The following EPHA6 variants were observed in gnomAD, a reference collection of about 807,000 sequenced individuals.
EPHA6 encodes the protein ephrin type-A receptor 6.
In EPHA6, 50 loss-of-function variants were observed where a neutral mutation model predicts 112.0. The observed-to-expected ratio is 0.45, with a 90% CI of 0.36 to 0.56. EPHA6 has a LOEUF of 0.56. Ranked by LOEUF, EPHA6 falls within the 20% of genes least tolerant of loss-of-function variation. The probability of loss-of-function intolerance (pLI) is 0.00; values close to 1 mark genes in which losing one functional copy is unlikely to be tolerated. For missense variants in EPHA6, 1,280 were observed against 1,417.4 expected (o/e 0.90, Z 1.56); for synonymous variants, 529 against 490.7 (o/e 1.08, Z -1.03).
chr3:96,919,600 G>T (rs2039658493), intron 2 of EPHA6, among the ~76,000 whole-genome samples: 1 of 151,652 alleles, frequency 6.6e-6, no homozygotes, highest in South Asian at 2.1e-4. Context: ...ATTGAGGCAG[G>T]GGTTATAATT....
chr3:97,012,805 A>C (rs1351938193), intron 3 of EPHA6, among the ~76,000 whole-genome samples: 1 of 151,622 alleles, frequency 6.6e-6, no homozygotes, highest in African/African-American at 2.4e-5. Flanking sequence ...ACTGATTTCA[A>C]ATGGTATCTC....
intron 10 of EPHA6, among the ~76,000 whole-genome samples, chr3:97,516,156 G>A (rs1010970191): frequency 3.3e-5 from 5 of 152,150 alleles, no homozygotes; most frequent in Non-Finnish European, 5.9e-5. Flanking sequence ...TATCTCTCAA[G>A]AAGTAGATAG....
At chr3:97,551,653 G>A (rs2093030492) in intron 11 of EPHA6, among the ~76,000 whole-genome samples, 1 of 152,016 alleles carries the variant, frequency 6.6e-6, no homozygotes, top group Admixed American at 6.6e-5. Context: ...TAAATACAAC[G>A]AGCTATAGCA....
chr3:97,018,173 A>G (rs535317837), intron 3 of EPHA6, among the ~76,000 whole-genome samples: 29 of 151,816 alleles, frequency 1.9e-4, no homozygotes, highest in African/African-American at 6.5e-4. Context: ...AATTTACCTG[A>G]TAGAATTCTG....
chr3:97,369,082 A>G (rs72926377), intron 5 of EPHA6, among the ~76,000 whole-genome samples: 4,538 of 152,308 alleles, frequency 0.03, 216 homozygotes, highest in African/African-American at 0.099. Flanking sequence ...TGAGCTGGGA[A>G]AAGAGTTTTC....
rs2038324343 is a variant in EPHA6, at chr3:96,897,207, TACAA to T, written c.450+30322_450+30325del. Among the ~76,000 whole-genome samples the T allele has an allele frequency of 2.3e-5, 3 of 132,700 alleles. No individual in the cohort carries two copies. The Admixed American group carries it at 2.4e-4, about 11-fold the overall frequency. 87.1% of individuals were successfully genotyped at this position (132,700 alleles called of 152,430 possible). A position where few individuals can be genotyped will look rare whatever the true frequency, so the allele number is the denominator to read the frequency against. On this transcript the variant is annotated intron_variant, in intron 2 of 17. Coordinates refer to ENST00000389672, the MANE Select transcript of EPHA6 (RefSeq NM_001080448.3). ...ATATATATCTATATATCTGTGTATA[TACAA>T]ACACACACACACACACACACACACA...
At chr3:97,162,649 G>A (rs1286935114) in intron 3 of EPHA6, among the ~76,000 whole-genome samples, 1 of 152,060 alleles carries the variant, frequency 6.6e-6, no homozygotes, top group Admixed American at 6.6e-5. Context: ...TTCAGGAAGG[G>A]TGAGAGAAAG....
At chr3:97,487,173 T>C (rs2091718188) in intron 10 of EPHA6, among the ~76,000 whole-genome samples, 1 of 152,198 alleles carries the variant, frequency 6.6e-6, no homozygotes, top group Admixed American at 6.5e-5. Context: ...AAGGAGTACT[T>C]AGATTCACAG....
intron 3 of EPHA6, among the ~76,000 whole-genome samples, chr3:97,134,121 A>T (rs2108334759): frequency 6.8e-6 from 1 of 146,882 alleles, no homozygotes; most frequent in East Asian, 1.9e-4. Context: ...AAATGAAGAG[A>T]TTTGATGTAA....
At chr3:97,232,457 A>T (rs1355584914) in intron 4 of EPHA6, among the ~76,000 whole-genome samples, 2 of 152,130 alleles carry the variant, frequency 1.3e-5, no homozygotes, top group African/African-American at 4.8e-5. Flanking sequence ...TGCAAACTAA[A>T]AACAATAATG....
intron 4 of EPHA6, among the ~76,000 whole-genome samples, chr3:97,241,886 A>G (rs1442300904): frequency 1.3e-5 from 2 of 150,932 alleles, no homozygotes; most frequent in Admixed American, 1.3e-4. Context: ...CCTGCTTTCC[A>G]TTATAAATAA....
At chr3:97,092,081 A>C (rs2047084120) in intron 3 of EPHA6, among the ~76,000 whole-genome samples, 1 of 150,714 alleles carries the variant, frequency 6.6e-6, no homozygotes, top group African/African-American at 2.4e-5. Flanking sequence ...ATTTTGGTTA[A>C]CAAGGTTTTT....
At chr3:97,628,092 G>T (rs1021086088) in intron 13 of EPHA6, among the ~76,000 whole-genome samples, 2 of 151,992 alleles carry the variant, frequency 1.3e-5, no homozygotes, top group Non-Finnish European at 2.9e-5. Context: ...CACTCTGTTT[G>T]CTGTATTAAG....
At chr3:97,411,437 G>A (rs1394686642) in intron 6 of EPHA6, among the ~76,000 whole-genome samples, 2 of 151,954 alleles carry the variant, frequency 1.3e-5, no homozygotes, top group Admixed American at 6.6e-5. Flanking sequence ...ACAAATATCT[G>A]CTAACTATAC....
intron 3 of EPHA6, among the ~76,000 whole-genome samples, chr3:97,127,848 C>A (rs1224429769): frequency 6.6e-6 from 1 of 151,820 alleles, no homozygotes; most frequent in African/African-American, 2.4e-5. Context: ...TGGATGAAAG[C>A]TGTGAAATTC....
chr3:97,199,193 T>C (rs545868056), intron 3 of EPHA6, among the ~76,000 whole-genome samples: 1 of 152,250 alleles, frequency 6.6e-6, no homozygotes, highest in South Asian at 2.1e-4. Context: ...TTGGTTTTGA[T>C]TGTTATTAAA....
intron 5 of EPHA6, among the ~76,000 whole-genome samples, chr3:97,374,002 C>A (rs1577140766): frequency 6.6e-6 from 1 of 152,036 alleles, no homozygotes; most frequent in South Asian, 2.1e-4. Flanking sequence ...CAAAACTTTT[C>A]AAAGCTTTTT....
intron 3 of EPHA6, among the ~76,000 whole-genome samples, chr3:97,049,170 G>A (rs1033517214): frequency 6.6e-6 from 1 of 152,150 alleles, no homozygotes; most frequent in Non-Finnish European, 1.5e-5. Context: ...GAAATGTAAA[G>A]GCTTTGGTTT....
intron 5 of EPHA6, among the ~76,000 whole-genome samples, chr3:97,394,736 C>T (rs1397237883): frequency 6.6e-6 from 1 of 151,568 alleles, no homozygotes; most frequent in Non-Finnish European, 1.5e-5. Flanking sequence ...TATTACCTCA[C>T]CCAAGTTAGA....
Sources: gnomAD v4.1 joint callset for allele counts (sites outside exome capture counted in the v4.1 genomes callset) on GRCh38, gnomAD v4.1.1 for gene constraint, MANE v1.5 for transcripts, NCBI Gene and HGNC (gene_info 2026-07-23, HGNC 2026-07-21) for gene names.